The following PTPRD variants were observed in gnomAD, a reference collection of about 807,000 sequenced individuals.
PTPRD encodes the protein protein tyrosine phosphatase receptor type D, also known as receptor-type tyrosine-protein phosphatase delta.
PTPRD carries 34 observed loss-of-function variants against 214.5 expected under a neutral mutation model. That is an observed-to-expected ratio of 0.16 (90% confidence interval 0.12 to 0.21). PTPRD has a LOEUF of 0.21. Ranked by LOEUF, PTPRD falls within the 10% of genes least tolerant of loss-of-function variation. PTPRD has a pLI of 1.00. For missense variants in PTPRD, 2,545 were observed against 2,398.7 expected (o/e 1.06, Z -1.27); for synonymous variants, 1,128 against 845.7 (o/e 1.33, Z -5.79).
intron 9 of PTPRD, among the ~76,000 whole-genome samples, chr9:9,286,943 T>C (rs949316491): frequency 1.4e-4 from 18 of 128,112 alleles, no homozygotes; most frequent in African/African-American, 4.9e-4. Context: ...TATTTGTCTT[T>C]GGCTGGGCAT....
chr9:9,709,866 A>G (rs756770427), intron 7 of PTPRD, among the ~76,000 whole-genome samples: 6 of 152,214 alleles, frequency 3.9e-5, no homozygotes, highest in Admixed American at 6.5e-5. Flanking sequence ...ATGTATGAAT[A>G]TGCTTCCTGA....
At chr9:8,728,572 T>C (rs2098614523) in intron 12 of PTPRD, among the ~76,000 whole-genome samples, 1 of 152,260 alleles carries the variant, frequency 6.6e-6, no homozygotes, top group Admixed American at 6.5e-5. Flanking sequence ...TGCATTTTAA[T>C]AATATAAGAA....
chr9:9,310,601 A>T (rs1023420357), intron 9 of PTPRD, among the ~76,000 whole-genome samples: 1 of 152,134 alleles, frequency 6.6e-6, no homozygotes, highest in Admixed American at 6.6e-5. Context: ...TGCCTACTAT[A>T]TGTAAAGCAT....
chr9:10,577,185 A>T lies in PTPRD; in HGVS notation c.-600+35213T>A, dbSNP rs188391912. Among the ~76,000 whole-genome samples the T allele has an allele frequency of 6.2e-3, 942 of 152,298 alleles. 7 individuals carry two copies. The highest frequency in any genetic ancestry group is 7.2e-3 in the Non-Finnish European group (493 of 68,014). On this transcript the variant is annotated intron_variant, in intron 2 of 45. Coordinates refer to ENST00000381196, the MANE Select transcript of PTPRD (RefSeq NM_002839.4). The stretch of plus-strand genomic sequence containing the variant: ...CATGTCTTCATTGTTTAACAAGGAT[A>T]TCCATTTCCAAGTAAGTTAACTGAT...
At chr9:9,037,730 C>T (rs1433379103) in intron 10 of PTPRD, among the ~76,000 whole-genome samples, 2 of 152,082 alleles carry the variant, frequency 1.3e-5, no homozygotes, top group Non-Finnish European at 2.9e-5. Flanking sequence ...CAGGGAAATC[C>T]ACAGATCATC....
At chr9:9,674,354 C>A (rs1324267281) in intron 7 of PTPRD, among the ~76,000 whole-genome samples, 1 of 151,382 alleles carries the variant, frequency 6.6e-6, no homozygotes, top group Non-Finnish European at 1.5e-5. Flanking sequence ...GGACTATTAC[C>A]TTCTCCGTGA....
intron 3 of PTPRD, among the ~76,000 whole-genome samples, chr9:10,291,740 A>C (rs62537827): frequency 0.13 from 20,456 of 152,008 alleles, 2,263 homozygotes; most frequent in African/African-American, 0.29. Flanking sequence ...AGACTTCTGG[A>C]CTCCAGGACT....
chr9:8,777,782 C>T (rs1322240349), intron 11 of PTPRD, among the ~76,000 whole-genome samples: 2 of 152,130 alleles, frequency 1.3e-5, no homozygotes, highest in Non-Finnish European at 2.9e-5. Flanking sequence ...ATTCATTGTA[C>T]CAAAGATATG....
intron 8 of PTPRD, among the ~76,000 whole-genome samples, chr9:9,518,255 G>A (rs1012984661): frequency 6.6e-6 from 1 of 152,040 alleles, no homozygotes; most frequent in Non-Finnish European, 1.5e-5. Flanking sequence ...GTCTTCTTAT[G>A]TAATGTTAAC....
At chr9:10,151,312 G>C (rs2099059756) in intron 3 of PTPRD, among the ~76,000 whole-genome samples, 9 of 127,864 alleles carry the variant, frequency 7.0e-5, no homozygotes, top group Admixed American at 6.7e-4. Flanking sequence ...TACCAGGCTA[G>C]AGTACAGTGG....
chr9:10,522,904 G>T (rs1590022411), intron 2 of PTPRD, among the ~76,000 whole-genome samples: 1 of 151,888 alleles, frequency 6.6e-6, no homozygotes, highest in South Asian at 2.1e-4. Flanking sequence ...TCTAAGAAGG[G>T]TATTTCCTAA....
At chr9:10,466,864 C>T (rs576475682) in intron 2 of PTPRD, among the ~76,000 whole-genome samples, 2 of 152,188 alleles carry the variant, frequency 1.3e-5, no homozygotes, top group East Asian at 1.9e-4. Flanking sequence ...GCATAATTCA[C>T]ATAAGGCTTT....
chr9:9,683,318 G>A (rs1417769008), intron 7 of PTPRD, among the ~76,000 whole-genome samples: 4 of 151,688 alleles, frequency 2.6e-5, no homozygotes, highest in Non-Finnish European at 5.9e-5. Flanking sequence ...ATTTTCTTTG[G>A]AAGCCTACAT....
chr9:10,360,062 G>A (rs2097348850), intron 2 of PTPRD, among the ~76,000 whole-genome samples: 1 of 152,168 alleles, frequency 6.6e-6, no homozygotes, highest in Non-Finnish European at 1.5e-5. Context: ...TTTATTAAGA[G>A]AAATTGCATT....
chr9:8,797,955 C>T (rs527986340), intron 11 of PTPRD, among the ~76,000 whole-genome samples: 1 of 151,684 alleles, frequency 6.6e-6, no homozygotes, highest in South Asian at 2.1e-4. Flanking sequence ...TCTGCAGCCT[C>T]GAACTCCTGG....
In PTPRD at chr9:8,593,943, G is replaced by C. The variant is rs148720836; in HGVS notation, c.352+39374C>G. On this transcript the variant is annotated intron_variant, in intron 14 of 45. Coordinates refer to ENST00000381196, the MANE Select transcript of PTPRD (RefSeq NM_002839.4). ...TGGGAACCTAGTGAGGTCTTTCCCA[G>C]TAGGATACATATATATGCATATCTC... 2.0e-5 allele frequency among the ~76,000 whole-genome samples: 3 copies of C among 152,266 alleles called. No homozygotes were observed. The East Asian group carries it at 5.8e-4, about 29-fold the overall frequency.
At chr9:9,967,205 G>A (rs1224745023) in intron 4 of PTPRD, among the ~76,000 whole-genome samples, 1 of 152,088 alleles carries the variant, frequency 6.6e-6, no homozygotes, top group Non-Finnish European at 1.5e-5. Flanking sequence ...TTTATCATCA[G>A]CAAATTGTAG....
At chr9:10,282,761 C>T (rs1374851053) in intron 3 of PTPRD, among the ~76,000 whole-genome samples, 1 of 151,980 alleles carries the variant, frequency 6.6e-6, no homozygotes, top group Non-Finnish European at 1.5e-5. Context: ...GATTTAGAAC[C>T]ATCAGCTTCA....
intron 11 of PTPRD, among the ~76,000 whole-genome samples, chr9:8,938,651 T>A (rs1214319215): frequency 2.6e-5 from 4 of 151,834 alleles, no homozygotes; most frequent in African/African-American, 9.7e-5. Flanking sequence ...AAATGAAGGC[T>A]CCTGGTGACC....
Sources: allele counts gnomAD v4.1 joint callset (sites outside exome capture counted in the v4.1 genomes callset), GRCh38; gene constraint gnomAD v4.1.1; transcripts MANE v1.5; gene names NCBI Gene and HGNC (gene_info 2026-07-23, HGNC 2026-07-21).